PRKG1: variants seen among roughly 807,000 people sequenced by gnomAD.
PRKG1 encodes the protein cGMP-dependent protein kinase 1.
In PRKG1, 35 loss-of-function variants were observed where a neutral mutation model predicts 88.1. The observed-to-expected ratio is 0.40, with a 90% CI of 0.30 to 0.53. The LOEUF is 0.53. Among genes scored for constraint, PRKG1 ranks in the 20% least tolerant of loss-of-function variants. The pLI, the probability that PRKG1 is intolerant of heterozygous loss-of-function variation, is 0.59. For synonymous variants in PRKG1, 303 were observed against 292.5 expected (o/e 1.04, Z -0.37); for missense variants, 540 against 839.8 (o/e 0.64, Z 4.41).
intron 2 of PRKG1, among the ~76,000 whole-genome samples, chr10:51,326,672 A>G (rs897536518): frequency 6.6e-6 from 1 of 152,236 alleles, no homozygotes; most frequent in African/African-American, 2.4e-5. Flanking sequence ...TACTTTCAAC[A>G]TAACGATTTC....
intron 3 of PRKG1, among the ~76,000 whole-genome samples, chr10:51,702,156 G>C (rs1181949454): frequency 4.6e-5 from 7 of 152,164 alleles, no homozygotes. Flanking sequence ...ATGAAGACTG[G>C]GTGAACAGAG....
chr10:51,271,727 G>T (rs535745130), intron 2 of PRKG1, among the ~76,000 whole-genome samples: 6 of 152,270 alleles, frequency 3.9e-5, no homozygotes, highest in African/African-American at 1.4e-4. Context: ...CTTCATCCAT[G>T]TCCCTGCAAA....
intron 3 of PRKG1, among the ~76,000 whole-genome samples, chr10:51,671,681 G>T (rs1840583404): frequency 6.6e-6 from 1 of 151,652 alleles, no homozygotes. Context: ...CCACCTCCCG[G>T]GTTCAAACAA....
At chr10:51,360,549 G>A (rs1842457267) in intron 2 of PRKG1, among the ~76,000 whole-genome samples, 2 of 151,914 alleles carry the variant, frequency 1.3e-5, no homozygotes, top group African/African-American at 4.8e-5. Context: ...AATTCAGATA[G>A]TGATAGCTGC....
intron 3 of PRKG1, among the ~76,000 whole-genome samples, chr10:51,690,961 T>A (rs1841125644): frequency 6.7e-6 from 1 of 149,122 alleles, no homozygotes; most frequent in Admixed American, 6.7e-5. Context: ...AGAATTACGT[T>A]CCATTATGTA....
intron 5 of PRKG1, among the ~76,000 whole-genome samples, chr10:51,958,422 G>A (rs1404328783): frequency 7.3e-5 from 11 of 150,506 alleles, no homozygotes. Flanking sequence ...TAGGGGCAGG[G>A]GTTATGAAGA....
intron 3 of PRKG1, among the ~76,000 whole-genome samples, chr10:51,557,580 C>A (rs114019886): frequency 0.012 from 1,773 of 152,162 alleles, 31 homozygotes; most frequent in Middle Eastern, 0.048. Flanking sequence ...CATATACATT[C>A]TTTGACACTT....
intron 17 of PRKG1, among the ~76,000 whole-genome samples, chr10:52,290,661 G>A (rs1842218743): frequency 6.6e-6 from 1 of 151,924 alleles, no homozygotes; most frequent in Non-Finnish European, 1.5e-5. Flanking sequence ...AGCCAGCCTG[G>A]ACAACATAGT....
intron 3 of PRKG1, among the ~76,000 whole-genome samples, chr10:51,788,776 A>G (rs1163242084): frequency 6.6e-6 from 1 of 152,184 alleles, no homozygotes; most frequent in Non-Finnish European, 1.5e-5. Context: ...GAGGTATATG[A>G]CAAAAATGGA....
intron 9 of PRKG1, among the ~76,000 whole-genome samples, chr10:52,179,597 G>T (rs760111889): frequency 6.6e-6 from 1 of 152,080 alleles, no homozygotes; most frequent in Non-Finnish European, 1.5e-5. Flanking sequence ...ATATATTTGG[G>T]GATCTTCAAG....
intron 2 of PRKG1, among the ~76,000 whole-genome samples, chr10:51,166,042 C>T (rs182847346): frequency 4.7e-5 from 7 of 148,968 alleles, no homozygotes; most frequent in African/African-American, 1.7e-4. Flanking sequence ...ACTTTATATT[C>T]GGATCATGCA....
At chr10:52,131,563 G>A (rs1413415700) in intron 7 of PRKG1, among the ~76,000 whole-genome samples, 1 of 151,918 alleles carries the variant, frequency 6.6e-6, no homozygotes, top group Non-Finnish European at 1.5e-5. Flanking sequence ...AAGGAGGCCA[G>A]TGGCTGGGCG....
chr10:52,071,681 GT>G (rs1325855585), intron 7 of PRKG1, among the ~76,000 whole-genome samples: 1 of 117,070 alleles, frequency 8.5e-6, no homozygotes, highest in African/African-American at 3.2e-5. Flanking sequence ...TGGGGGTGGG[GT>G]TTTTTGGTGT....
intron 2 of PRKG1, among the ~76,000 whole-genome samples, chr10:51,413,042 A>G (rs895735086): frequency 5.3e-5 from 8 of 152,224 alleles, no homozygotes; most frequent in African/African-American, 1.9e-4. Context: ...GACATTTTGA[A>G]TCTTAATTCT....
chr10:51,806,679 G>C (rs1460461104), intron 4 of PRKG1, among the ~76,000 whole-genome samples: 4 of 152,116 alleles, frequency 2.6e-5, no homozygotes, highest in Non-Finnish European at 5.9e-5. Context: ...TTACAACTGT[G>C]ACCAACTGGT....
intron 2 of PRKG1, among the ~76,000 whole-genome samples, chr10:51,392,432 G>A (rs552200777): frequency 6.6e-6 from 1 of 152,306 alleles, no homozygotes; most frequent in East Asian, 1.9e-4. Context: ...ATGTTTCAGA[G>A]AGCACCGGGT....
At chr10:52,120,310 C>A (rs1847790317) in intron 7 of PRKG1, among the ~76,000 whole-genome samples, 1 of 152,152 alleles carries the variant, frequency 6.6e-6, no homozygotes, top group Non-Finnish European at 1.5e-5. Flanking sequence ...GCATGCCTCT[C>A]CAAATTTACA....
chr10:52,067,149 C>T (rs1357157492), intron 7 of PRKG1, among the ~76,000 whole-genome samples: 1 of 152,070 alleles, frequency 6.6e-6, no homozygotes, highest in Non-Finnish European at 1.5e-5. Flanking sequence ...ATCTTTTGGG[C>T]AACTGTGTAT....
intron 9 of PRKG1, among the ~76,000 whole-genome samples, chr10:52,222,910 T>C (rs1390605079): frequency 6.6e-6 from 1 of 152,188 alleles, no homozygotes; most frequent in Non-Finnish European, 1.5e-5. Context: ...ACCTGTCCTA[T>C]AGGCTAACCC....
Sources: gnomAD v4.1 joint callset for allele counts (sites outside exome capture counted in the v4.1 genomes callset) on GRCh38, gnomAD v4.1.1 for gene constraint, MANE v1.5 for transcripts, NCBI Gene and HGNC (gene_info 2026-07-23, HGNC 2026-07-21) for gene names.